Variants in PTPRN2 observed in about 807,000 individuals in gnomAD.
PTPRN2 encodes protein tyrosine phosphatase receptor type N2.
A neutral mutation model predicts 118.8 loss-of-function variants in PTPRN2; 74 were observed. The ratio of observed to expected loss-of-function variants is 0.62; its 90% CI spans 0.52 to 0.76. The LOEUF is 0.76. Among genes scored for constraint, PTPRN2 ranks in the 30% least tolerant of loss-of-function variants. PTPRN2 has a pLI of 0.00. For missense variants in PTPRN2, 1,481 were observed against 1,394.4 expected (o/e 1.06, Z -0.99); for synonymous variants, 641 against 608.0 (o/e 1.05, Z -0.80).
At chr7:158,556,843 C>T (rs143711459) in intron 1 of PTPRN2, among the ~76,000 whole-genome samples, 155 of 136,328 alleles carry the variant, frequency 1.1e-3, no homozygotes, top group South Asian at 2.2e-3. Context: ...GCAGCTCCCG[C>T]GCAGGTCAGA....
chr7:157,909,223 AT>A (rs1182847685), intron 11 of PTPRN2, among the ~76,000 whole-genome samples: 4 of 152,146 alleles, frequency 2.6e-5, no homozygotes, highest in African/African-American at 9.7e-5. Context: ...CATTTGAATA[AT>A]TTTTTTCACT....
chr7:157,655,318 GA>G (rs1806001595), intron 14 of PTPRN2, among the ~76,000 whole-genome samples: 1 of 152,190 alleles, frequency 6.6e-6, no homozygotes, highest in African/African-American at 2.4e-5. Context: ...TTTCCCACCA[GA>G]CGTCAGCTGT....
Position 158,201,139 on chromosome 7 carries a change from C to T in PTPRN2, c.380+4032G>A, listed in dbSNP as rs147434829. ...GATCATGACTCACTGCAGCCTCAAT[C>T]CCCCGGGCTCAGGTGATCCTCTCTC... On this transcript the variant is annotated intron_variant, in intron 4 of 22. Coordinates refer to ENST00000389418, the MANE Select transcript of PTPRN2 (RefSeq NM_002847.5). Among the ~76,000 whole-genome samples the T allele has an allele frequency of 8.9e-3, 1,340 of 151,158 alleles. 23 individuals are homozygous for T. The highest frequency in any genetic ancestry group is 0.031 in the African/African-American group (1,269 of 41,188).
intron 9 of PTPRN2, among the ~76,000 whole-genome samples, chr7:158,132,086 A>G (rs907078815): frequency 1.3e-5 from 2 of 151,700 alleles, no homozygotes; most frequent in Non-Finnish European, 2.9e-5. Context: ...TGACACACAC[A>G]CACACGCACA....
chr7:158,146,921 ACC>A (rs1820126455), intron 6 of PTPRN2, among the ~76,000 whole-genome samples: 1 of 151,400 alleles, frequency 6.6e-6, no homozygotes, highest in Non-Finnish European at 1.5e-5. Flanking sequence ...ACTGAATGAC[ACC>A]CCATCTCACG....
rs547587791 is a variant in PTPRN2 at position 158,577,743 on chromosome 7, G to A, written c.112+9815C>T. Among the ~76,000 whole-genome samples the A allele has an allele frequency of 3.3e-5, 5 of 152,366 alleles. 1 individual carries two copies. The South Asian group carries it at 6.2e-4, about 19-fold the overall frequency. On this transcript the variant is annotated intron_variant, in intron 1 of 22. Coordinates refer to ENST00000389418, the MANE Select transcript of PTPRN2 (RefSeq NM_002847.5). ...AGGAATGGGGTCCACCAGAGCCACCGATCCCCAAGTATGGGATGTGATGAC... is the reference window on the plus strand; with the variant it reads ...AGGAATGGGGTCCACCAGAGCCACCAATCCCCAAGTATGGGATGTGATGAC...
intron 12 of PTPRN2, among the ~76,000 whole-genome samples, chr7:157,715,254 G>T (rs1174158093): frequency 2.6e-5 from 4 of 152,202 alleles, no homozygotes; most frequent in African/African-American, 9.7e-5. Flanking sequence ...GGAGGGTCGT[G>T]GTGGGAATGA....
At chr7:158,318,558 A>G (rs951278762) in intron 2 of PTPRN2, among the ~76,000 whole-genome samples, 1 of 152,056 alleles carries the variant, frequency 6.6e-6, no homozygotes, top group Non-Finnish European at 1.5e-5. Flanking sequence ...ACCTAATCCT[A>G]GGCCAGGGCC....
chr7:158,100,244 G>GGT (rs3065708), intron 10 of PTPRN2, among the ~76,000 whole-genome samples: 10,031 of 147,320 alleles, frequency 0.068, 348 homozygotes, highest in Non-Finnish European at 0.075. Context: ...TATTCCATGG[G>GGT]GTGTGTGTGT....
At chr7:157,605,013 C>T (rs928989875) in intron 15 of PTPRN2, among the ~76,000 whole-genome samples, 7 of 152,254 alleles carry the variant, frequency 4.6e-5, no homozygotes, top group African/African-American at 1.4e-4. Flanking sequence ...CTTTGTGTTA[C>T]AGGATCTTTG....
Position 158,045,564 on chromosome 7 carries a change from G to A in PTPRN2, c.1723+35734C>T, listed in dbSNP as rs7788688. On this transcript the variant is annotated intron_variant, in intron 11 of 22. Coordinates refer to ENST00000389418, the MANE Select transcript of PTPRN2 (RefSeq NM_002847.5). ...GGGCGCAGCTGGCACATTCAGAGAC[G>A]GTCTCTGAATTGCAGATTTCAGAGA... 5.8e-3 allele frequency among the ~76,000 whole-genome samples: 876 copies of A among 152,242 alleles called. 7 individuals carry two copies. Among genetic ancestry groups the A allele is most frequent in the African/African-American group, 0.02 (820 of 41,532 alleles).
rs545861536 is a variant in PTPRN2, at chr7:157,603,002, A to C, written c.2418+1000T>G. ...GTCCTCATCCTTCCCTGAAGACCAG[A>C]ATTGAGAAGAGCTGTTTAAAGGGGG... On this transcript the variant is annotated intron_variant, in intron 16 of 22. Transcript: ENST00000389418. The surrounding 1 kb of genome is among the most constrained non-coding windows in gnomAD (Gnocchi z 5.4). Among the ~76,000 whole-genome samples, 2 of 152,312 alleles carry C rather than the reference A, an allele frequency of 1.3e-5. No individual in the cohort carries two copies. The highest frequency in any genetic ancestry group is 3.9e-4 in the East Asian group (2 of 5,194).
At chr7:158,396,489 A>T (rs1388016506) in intron 2 of PTPRN2, among the ~76,000 whole-genome samples, 1 of 151,234 alleles carries the variant, frequency 6.6e-6, no homozygotes, top group Non-Finnish European at 1.5e-5. Flanking sequence ...GTTCACATGC[A>T]TGCACATGTG....
chr7:157,687,605 C>T (rs1797262344), intron 12 of PTPRN2, among the ~76,000 whole-genome samples: 1 of 152,188 alleles, frequency 6.6e-6, no homozygotes, highest in Non-Finnish European at 1.5e-5. Context: ...ACCTTTTTCT[C>T]TTAAAACTTA....
At chr7:158,550,191 C>A (rs558000491) in intron 1 of PTPRN2, among the ~76,000 whole-genome samples, 1 of 152,316 alleles carries the variant, frequency 6.6e-6, no homozygotes, top group South Asian at 2.1e-4. Context: ...GGAGCCCCAG[C>A]GGGTGCCACT....
At chr7:158,164,452 C>T (rs1822726491) in intron 6 of PTPRN2, among the ~76,000 whole-genome samples, 1 of 107,210 alleles carries the variant, frequency 9.3e-6, no homozygotes, top group Non-Finnish European at 2.0e-5. Flanking sequence ...GTAGGAAGGA[C>T]ACGCAGAGCA....
intron 1 of PTPRN2, among the ~76,000 whole-genome samples, chr7:158,534,652 ACAT>A (rs1825531985): frequency 1.3e-5 from 2 of 152,126 alleles, no homozygotes; most frequent in Admixed American, 6.5e-5. Context: ...TCCTGAAGAC[ACAT>A]CTCTGCGAAG....
At chr7:158,221,448 T>C (rs1269288136) in intron 3 of PTPRN2, among the ~76,000 whole-genome samples, 1 of 151,254 alleles carries the variant, frequency 6.6e-6, no homozygotes, top group Non-Finnish European at 1.5e-5. Flanking sequence ...TAGGAAAAAA[T>C]ATTTGCAAAC....
At chr7:157,566,135 C>G (rs1054011722) in intron 21 of PTPRN2, among the ~76,000 whole-genome samples, 1 of 152,246 alleles carries the variant, frequency 6.6e-6, no homozygotes, top group African/African-American at 2.4e-5. Flanking sequence ...GCGGCCGCAG[C>G]TGCTGGAGCT....
Sources: allele counts gnomAD v4.1 joint callset (sites outside exome capture counted in the v4.1 genomes callset), GRCh38; gene constraint gnomAD v4.1.1; non-coding constraint Gnocchi (gnomAD v3.1); transcripts MANE v1.5; gene names NCBI Gene and HGNC (gene_info 2026-07-23, HGNC 2026-07-21).